PRKAR1A: variants seen among roughly 807,000 people sequenced by gnomAD.
PRKAR1A encodes cAMP-dependent protein kinase type I-alpha regulatory subunit.
PRKAR1A carries 3 observed loss-of-function variants against 52.0 expected under a neutral mutation model. The observed-to-expected ratio is 0.06, with a 90% CI of 0.03 to 0.15. The LOEUF (loss-of-function observed/expected upper bound fraction) is 0.15, where lower values mean the gene tolerates loss of function less well. PRKAR1A is among the 10% of genes least tolerant of loss of function. The pLI is 1.00. For synonymous variants in PRKAR1A, 188 were observed against 168.4 expected (o/e 1.12, Z -0.90); for missense variants, 240 against 477.4 (o/e 0.50, Z 4.63).
chr17:68,546,556 C>T (rs1014129112), intron 11 of PRKAR1A, among the ~76,000 whole-genome samples: 11 of 151,978 alleles, frequency 7.2e-5, no homozygotes, highest in East Asian at 3.8e-4. Context: ...CTTGGCTGGG[C>T]GTGGTGGCTC....
chr17:68,541,054 C>A (rs1015771780), intron 11 of PRKAR1A: 11 of 1,534,420 alleles, frequency 7.2e-6, no homozygotes, highest in Non-Finnish European at 9.7e-6. Context: ...ATCCCTGCCT[C>A]CCTGATCCTG....
At chr17:68,474,997 A>G in the PRKAR1A span, among the ~76,000 whole-genome samples, 1 of 152,226 alleles carries the variant, frequency 6.6e-6, no homozygotes, top group Non-Finnish European at 1.5e-5. Flanking sequence ...TCTAAGTTGG[A>G]TTTATTTTTG....
At chr17:68,535,492 C>G (rs536742794), downstream of PRKAR1A, 14 of 453,844 alleles carry the variant, frequency 3.1e-5, no homozygotes, top group Non-Finnish European at 6.2e-5. Context: ...TGTTTTTACC[C>G]AGATATTTTC....
the PRKAR1A span, chr17:68,429,950 T>C: frequency 2.5e-5 from 41 of 1,609,264 alleles, no homozygotes; most frequent in Middle Eastern, 1.6e-4. Flanking sequence ...GAAAAATACA[T>C]TGACGAAAGT....
At chr17:68,434,762 C>G in the PRKAR1A span, 1 of 810,362 alleles carries the variant, frequency 1.2e-6, no homozygotes, top group Non-Finnish European at 1.9e-6. Flanking sequence ...AGCATAGAGG[C>G]ATGTTTATTT....
chr17:68,485,692 T>C, the PRKAR1A span, among the ~76,000 whole-genome samples: 1 of 152,188 alleles, frequency 6.6e-6, no homozygotes, highest in Non-Finnish European at 1.5e-5. Flanking sequence ...CAGTTTTTCA[T>C]CTAAAACTTT....
chr17:68,429,881 G>C, the PRKAR1A span: 2 of 1,486,572 alleles, frequency 1.3e-6, no homozygotes, highest in Non-Finnish European at 1.8e-6. Flanking sequence ...AAGCCACCGT[G>C]CCCAGCCTGG....
chr17:68,540,900 T>C lies in PRKAR1A; in HGVS notation c.974-10184T>C, dbSNP rs775260607. On this transcript the variant is annotated intron_variant, in intron 11 of 11. Coordinates refer to the PRKAR1A transcript ENST00000585981. ...TCGATGACATTGAGGAGCCGCTGGC[T>C]GTTGTTGTACGGGTAGATCTGTTTC... The C allele has an allele frequency of 8.1e-6, 13 of 1,605,374 alleles. No individual in the cohort carries two copies. In the Admixed American group the frequency reaches 1.3e-4, roughly 17 times the overall value.
At chr17:68,502,926 C>T in the PRKAR1A span, among the ~76,000 whole-genome samples, 3 of 151,906 alleles carry the variant, frequency 2.0e-5, no homozygotes, top group South Asian at 2.1e-4. Flanking sequence ...CTTGATCATA[C>T]AAGTTAGTCT....
rs1371933127 is a variant in PRKAR1A, at chr17:68,542,165, G to A, written c.974-8919G>A. The A allele has an allele frequency of 7.4e-6, 12 of 1,613,762 alleles. No homozygotes were observed. The Admixed American group carries it at 1.0e-4, about 13-fold the overall frequency. On this transcript the variant is annotated intron_variant, in intron 11 of 11. Coordinates refer to the PRKAR1A transcript ENST00000585981. ...CTTGGCGAAGAAGCACACGTTGCTC[G>A]CTGGAGGATGGGGAGGAGAGAGGAG...
chr17:68,475,740 G>A, the PRKAR1A span, among the ~76,000 whole-genome samples: 1 of 152,144 alleles, frequency 6.6e-6, no homozygotes, highest in Non-Finnish European at 1.5e-5. Flanking sequence ...GATTACAGTT[G>A]TGAGCCACCG....
the PRKAR1A span, among the ~76,000 whole-genome samples, chr17:68,457,909 G>T: frequency 1.5e-3 from 232 of 152,312 alleles, no homozygotes; most frequent in African/African-American, 5.3e-3. Context: ...GAAGGAATGC[G>T]GCTGGGGCCA....
chr17:68,502,447 A>G, the PRKAR1A span, among the ~76,000 whole-genome samples: 12 of 152,136 alleles, frequency 7.9e-5, no homozygotes, highest in Admixed American at 4.6e-4. Context: ...CAAACAACTC[A>G]ATTAAAAAAT....
At chr17:68,463,080 C>T in the PRKAR1A span, among the ~76,000 whole-genome samples, 1 of 152,122 alleles carries the variant, frequency 6.6e-6, no homozygotes, top group Admixed American at 6.6e-5. Flanking sequence ...TCAGTCACCC[C>T]TGGGAAGAAG....
the PRKAR1A span, among the ~76,000 whole-genome samples, chr17:68,469,176 C>T: frequency 6.6e-6 from 1 of 151,414 alleles, no homozygotes; most frequent in Non-Finnish European, 1.5e-5. Context: ...ACAGGAATCA[C>T]TCATTTTGCA....
At chr17:68,446,091 C>T in the PRKAR1A span, among the ~76,000 whole-genome samples, 11 of 152,226 alleles carry the variant, frequency 7.2e-5, no homozygotes, top group Non-Finnish European at 1.6e-4. Flanking sequence ...AAAAGCCTGC[C>T]CTGCTATTCC....
rs2085844405 is a variant in PRKAR1A, at chr17:68,527,986, G to A, written c.769+86G>A. ...TGGACTTGGGAAAAGCCTTCTGAAA[G>A]TATAATTGCTACTCATTCCCCCTGA... On this transcript the variant is annotated intron_variant, in intron 8 of 10. Coordinates refer to ENST00000589228, the MANE Select transcript of PRKAR1A (RefSeq NM_002734.5). The A allele has an allele frequency of 2.0e-5, 23 of 1,178,578 alleles. No homozygotes were observed. The South Asian group carries it at 2.5e-4, about 13-fold the overall frequency. 73.0% of individuals were successfully genotyped at this position (1,178,578 alleles called of 1,614,324 possible). A position where few individuals can be genotyped will look rare whatever the true frequency, so the allele number is the denominator to read the frequency against.
chr17:68,486,360 CT>C, the PRKAR1A span, among the ~76,000 whole-genome samples: 1 of 151,748 alleles, frequency 6.6e-6, no homozygotes, highest in Admixed American at 6.6e-5. Flanking sequence ...TCTCATCCCC[CT>C]CTTCCTCTTA....
chr17:68,470,702 A>AAAAAACAAT, the PRKAR1A span, among the ~76,000 whole-genome samples: 1 of 152,230 alleles, frequency 6.6e-6, no homozygotes, highest in Non-Finnish European at 1.5e-5. Context: ...CATACAAACA[A>AAAAAACAAT]AAAAACAATA....
Sources: gnomAD v4.1 joint callset for allele counts (sites outside exome capture counted in the v4.1 genomes callset) on GRCh38, gnomAD v4.1.1 for gene constraint, MANE v1.5 for transcripts, NCBI Gene and HGNC (gene_info 2026-07-23, HGNC 2026-07-21) for gene names.